The following CNTNAP2 variants were observed in gnomAD, a reference collection of about 807,000 sequenced individuals.
CNTNAP2 encodes contactin associated protein 2, also known as contactin-associated protein-like 2.
Under a neutral mutation model 155.2 loss-of-function variants are expected in CNTNAP2, and 98 were observed. The observed-to-expected ratio is 0.63, with a 90% confidence interval of 0.54 to 0.75. The LOEUF (loss-of-function observed/expected upper bound fraction) is 0.75. Among genes scored for constraint, CNTNAP2 ranks in the 30% least tolerant of loss-of-function variants. The pLI, the probability that CNTNAP2 is intolerant of heterozygous loss-of-function variation, is 0.00. For missense variants in CNTNAP2, 1,727 were observed against 1,688.1 expected (o/e 1.02, Z -0.40); for synonymous variants, 651 against 631.2 (o/e 1.03, Z -0.47).
intron 2 of CNTNAP2, among the ~76,000 whole-genome samples, chr7:146,837,098 A>G (rs1803632624): frequency 6.6e-6 from 1 of 152,092 alleles, no homozygotes; most frequent in Admixed American, 6.6e-5. Context: ...AACTTCTCAC[A>G]TATCTGAGTT....
intron 19 of CNTNAP2, among the ~76,000 whole-genome samples, 173 bp from the exon 20 acceptor site, chr7:148,229,473 C>T (rs1220635083): frequency 2.6e-5 from 4 of 151,954 alleles, no homozygotes; most frequent in African/African-American, 7.2e-5. Flanking sequence ...TGCAGTGAGC[C>T]AAGATCGCAC....
intron 1 of CNTNAP2, among the ~76,000 whole-genome samples, chr7:146,693,075 G>A (rs529869313): frequency 1.2e-4 from 18 of 152,156 alleles, no homozygotes; most frequent in African/African-American, 4.3e-4. Flanking sequence ...GAAATCACTT[G>A]ATATCTCTGA....
At chr7:146,228,545 T>C (rs1370530767) in intron 1 of CNTNAP2, among the ~76,000 whole-genome samples, 3 of 152,218 alleles carry the variant, frequency 2.0e-5, no homozygotes, top group Admixed American at 6.5e-5. Context: ...GTATATATTC[T>C]TTCTACAGAG....
chr7:147,900,087 T>G (rs953365672), intron 13 of CNTNAP2, among the ~76,000 whole-genome samples: 16 of 152,148 alleles, frequency 1.1e-4, no homozygotes, highest in African/African-American at 3.1e-4. Context: ...CCCATCTTAA[T>G]AGACTTCACT....
intron 1 of CNTNAP2, among the ~76,000 whole-genome samples, chr7:146,749,997 T>C (rs1332585446): frequency 6.6e-6 from 1 of 152,174 alleles, no homozygotes; most frequent in Non-Finnish European, 1.5e-5. Flanking sequence ...TTTCCTTTTA[T>C]ATTTTCTCAC....
intron 3 of CNTNAP2, among the ~76,000 whole-genome samples, chr7:146,955,979 C>G (rs1007515991): frequency 2.0e-5 from 3 of 151,896 alleles, no homozygotes; most frequent in Non-Finnish European, 2.9e-5. Context: ...TTTATCCTTT[C>G]TTATTATGTA....
rs138276300 is a variant in CNTNAP2, at chr7:147,028,444, T to C, written c.403-15463T>C. ...TATTTTTTCTCTGAAATCAAGACTTTAGGCTTGTTTCATTAAAAGAGTTGA... is the reference window on the plus strand; with the variant it reads ...TATTTTTTCTCTGAAATCAAGACTTCAGGCTTGTTTCATTAAAAGAGTTGA... On this transcript the variant is annotated intron_variant, in intron 3 of 23. Transcript: ENST00000361727. Among the ~76,000 whole-genome samples, 899 of 152,276 alleles carry C rather than the reference T, an allele frequency of 5.9e-3. 14 individuals carry two copies. Among genetic ancestry groups the C allele is most frequent in the African/African-American group, 0.02 (831 of 41,554 alleles).
intron 18 of CNTNAP2, among the ~76,000 whole-genome samples, chr7:148,202,000 C>T (rs2116732372): frequency 6.6e-6 from 1 of 152,038 alleles, no homozygotes; most frequent in Admixed American, 6.6e-5. Flanking sequence ...GAGTCAATCT[C>T]ACTTCCTGAA....
intron 13 of CNTNAP2, among the ~76,000 whole-genome samples, chr7:147,685,242 C>T (rs62480747): frequency 0.12 from 18,279 of 151,854 alleles, 1,528 homozygotes; most frequent in East Asian, 0.37. Context: ...TTTCTTTTCC[C>T]ACCTGCATAA....
At chr7:147,957,510 T>C (rs1801037741) in intron 14 of CNTNAP2, among the ~76,000 whole-genome samples, 1 of 152,046 alleles carries the variant, frequency 6.6e-6, no homozygotes, top group Admixed American at 6.6e-5. Flanking sequence ...AAGTCAAGGG[T>C]ATCACCAGGG....
chr7:148,279,678 G>A (rs7809486), intron 21 of CNTNAP2, among the ~76,000 whole-genome samples: 55,690 of 151,942 alleles, frequency 0.37, 11,030 homozygotes, highest in East Asian at 0.6. Flanking sequence ...GTCTTGGCTT[G>A]ACTAGGACAT....
chr7:148,181,002 T>G (rs1210376957), intron 18 of CNTNAP2, among the ~76,000 whole-genome samples: 2 of 152,212 alleles, frequency 1.3e-5, no homozygotes, highest in Non-Finnish European at 2.9e-5. Flanking sequence ...TCTATCTATC[T>G]ACTAGAGATG....
intron 1 of CNTNAP2, among the ~76,000 whole-genome samples, chr7:146,373,659 A>G (rs1795267710): frequency 6.6e-6 from 1 of 152,156 alleles, no homozygotes; most frequent in Non-Finnish European, 1.5e-5. Context: ...ATAAAGGAAA[A>G]AATAAAATGA....
intron 3 of CNTNAP2, among the ~76,000 whole-genome samples, chr7:146,935,950 G>A (rs1247061845): frequency 6.6e-6 from 1 of 152,162 alleles, no homozygotes. Flanking sequence ...CTGGTGTGCT[G>A]TATGCTCTCA....
At chr7:147,894,630 G>A (rs764459141) in intron 13 of CNTNAP2, among the ~76,000 whole-genome samples, 8 of 152,050 alleles carry the variant, frequency 5.3e-5, no homozygotes, top group East Asian at 1.9e-4. Context: ...ATGCTTTTAC[G>A]TTTTCATTTT....
chr7:147,379,633 A>AT (rs955901868), intron 9 of CNTNAP2, among the ~76,000 whole-genome samples: 7 of 151,830 alleles, frequency 4.6e-5, no homozygotes, highest in Non-Finnish European at 8.8e-5. Context: ...AAGAATCATC[A>AT]TTTTTTTTGG....
intron 1 of CNTNAP2, among the ~76,000 whole-genome samples, chr7:146,358,334 TG>T (rs1795034314): frequency 6.6e-6 from 1 of 152,152 alleles, no homozygotes; most frequent in Non-Finnish European, 1.5e-5. Context: ...TCGCCTGGCC[TG>T]GGCAGCTTGA....
intron 13 of CNTNAP2, among the ~76,000 whole-genome samples, chr7:147,744,705 T>C (rs2373182): frequency 0.21 from 32,468 of 152,142 alleles, 3,672 homozygotes; most frequent in Middle Eastern, 0.39. Context: ...CTTCCTGGCT[T>C]GCTGACGGCT....
At chr7:148,225,526 T>A (rs928669228) in intron 19 of CNTNAP2, among the ~76,000 whole-genome samples, 1 of 152,088 alleles carries the variant, frequency 6.6e-6, no homozygotes, top group African/African-American at 2.4e-5. Flanking sequence ...GGAGATCATA[T>A]GGGGCCTGGT....
Sources: gnomAD v4.1 joint callset for allele counts (sites outside exome capture counted in the v4.1 genomes callset) on GRCh38, gnomAD v4.1.1 for gene constraint, MANE v1.5 for transcripts, NCBI Gene and HGNC (gene_info 2026-07-23, HGNC 2026-07-21) for gene names.